RAPGEF6: variants seen among roughly 807,000 people sequenced by gnomAD.
RAPGEF6 encodes PDZ domain containing guanine nucleotide exchange factor (GEF) 2.
RAPGEF6 carries 56 observed loss-of-function variants against 171.4 expected under a neutral mutation model. That is an observed-to-expected ratio of 0.33 (90% CI 0.26 to 0.41). The LOEUF is 0.41. RAPGEF6 is among the 10% of genes least tolerant of loss of function. The pLI is 1.00. For missense variants in RAPGEF6, 1,674 were observed against 1,921.4 expected (o/e 0.87, Z 2.41); for synonymous variants, 692 against 650.1 (o/e 1.06, Z -0.98).
chr5:131,429,281 C>A (rs531074354), intron 26 of RAPGEF6, 65 bp from the exon 27 acceptor site: 16 of 1,315,174 alleles, frequency 1.2e-5, no homozygotes, highest in African/African-American at 8.9e-5. Context: ...AGAAACCACC[C>A]CACAAACTTA....
rs750364508 is a variant in RAPGEF6 at position 131,461,980 on chromosome 5, C to T, written c.2589G>A (p.Glu863=). 4.5e-5 allele frequency: 72 copies of T among 1,614,016 alleles called. No homozygotes were observed. Among genetic ancestry groups the T allele is most frequent in the Non-Finnish European group, 3.4e-6 (4 of 1,180,006 alleles). ...CCCTCATTGACAGCTGGGTGGCCAC[C>T]TCAATGGTACTGAGCTGCAGCATGG... The part of the protein sequence containing the change: ...QLSMLQLSTI[E]VATQLSMRDF... The change falls in exon 19 of 28, where the codon GAG becomes GAA. Residue 863 remains glutamate, a synonymous_variant. Coordinates refer to ENST00000509018, the MANE Select transcript of RAPGEF6 (RefSeq NM_016340.6).
chr5:131,518,494 T>G (rs1231461707), intron 7 of RAPGEF6, among the ~76,000 whole-genome samples: 1 of 151,470 alleles, frequency 6.6e-6, no homozygotes, highest in Non-Finnish European at 1.5e-5. Context: ...GCCTCCTGGG[T>G]TCAAGTGATT....
chr5:131,479,372 C>G (rs915741115), intron 16 of RAPGEF6, 141 bp downstream of exon 16: 3 of 800,302 alleles, frequency 3.7e-6, no homozygotes, highest in Non-Finnish European at 5.8e-6. Flanking sequence ...CAAATGTATT[C>G]TTATTTGAGT....
chr5:131,553,626 T>A (rs965012961), intron 5 of RAPGEF6, among the ~76,000 whole-genome samples: 1 of 151,908 alleles, frequency 6.6e-6, no homozygotes, highest in South Asian at 2.1e-4. Context: ...AAAATGAAAA[T>A]GTTAGAAACA....
At chr5:131,469,120 T>C (rs1033628413) in intron 17 of RAPGEF6, among the ~76,000 whole-genome samples, 10 of 152,186 alleles carry the variant, frequency 6.6e-5, no homozygotes, top group Non-Finnish European at 1.5e-4. Flanking sequence ...ACAACACACC[T>C]TGAAACAGAA....
chr5:131,538,563 C>G (rs550186416), intron 6 of RAPGEF6, among the ~76,000 whole-genome samples: 2 of 152,228 alleles, frequency 1.3e-5, no homozygotes, highest in East Asian at 1.9e-4. Flanking sequence ...ATAGATTACA[C>G]AAAAATACTA....
intron 1 of RAPGEF6, 64 bp from the exon 2 acceptor site, chr5:131,604,757 C>A: frequency 1.3e-6 from 2 of 1,500,666 alleles, no homozygotes; most frequent in Non-Finnish European, 1.8e-6. Context: ...ATAAGGCACC[C>A]CACAATTCTG....
chr5:131,445,089 T>C (rs1752600847), intron 22 of RAPGEF6, among the ~76,000 whole-genome samples: 1 of 152,330 alleles, frequency 6.6e-6, no homozygotes, highest in East Asian at 1.9e-4. Context: ...AAGTTTTACA[T>C]TTGAGAAAAC....
chr5:131,539,774 A>C (rs1282350361), intron 6 of RAPGEF6, among the ~76,000 whole-genome samples: 1 of 152,346 alleles, frequency 6.6e-6, no homozygotes, highest in Admixed American at 6.5e-5. Flanking sequence ...CTCTGGATCT[A>C]AACAAAACAT....
chr5:131,623,690 G>A (rs1170133456), intron 1 of RAPGEF6, among the ~76,000 whole-genome samples: 3 of 151,878 alleles, frequency 2.0e-5, no homozygotes, highest in Non-Finnish European at 4.4e-5. Flanking sequence ...TCTCCATGTC[G>A]GTCAGGCTGG....
chr5:131,558,037 G>GT (rs796405120), intron 5 of RAPGEF6, among the ~76,000 whole-genome samples: 1 of 152,040 alleles, frequency 6.6e-6, no homozygotes, highest in African/African-American at 2.4e-5. Flanking sequence ...AGAAGTTAAA[G>GT]TTTTTCTATT....
intron 9 of RAPGEF6, 140 bp downstream of exon 9, chr5:131,507,931 A>T (rs778948328): frequency 1.5e-5 from 12 of 801,266 alleles, no homozygotes; most frequent in Admixed American, 3.3e-5. Context: ...ATTGTAACTA[A>T]CTCAAACTTG....
chr5:131,430,481 T>C (rs1334189040), intron 26 of RAPGEF6, among the ~76,000 whole-genome samples: 4 of 152,222 alleles, frequency 2.6e-5, no homozygotes, highest in East Asian at 3.8e-4. Flanking sequence ...TCAATGTTTC[T>C]ACCACGTATG....
chr5:131,519,181 G>A (rs1758304937), intron 7 of RAPGEF6, among the ~76,000 whole-genome samples: 1 of 152,188 alleles, frequency 6.6e-6, no homozygotes, highest in Non-Finnish European at 1.5e-5. Context: ...AGGTTGTCCA[G>A]CTAAAAGGGG....
At chr5:131,431,824 T>C (rs1362433961) in intron 25 of RAPGEF6, among the ~76,000 whole-genome samples, 1 of 152,202 alleles carries the variant, frequency 6.6e-6, no homozygotes, top group African/African-American at 2.4e-5. Flanking sequence ...AATGTAAAGA[T>C]GAGAGTTGAA....
At chr5:131,438,140 C>A (rs1752137926) in intron 24 of RAPGEF6, among the ~76,000 whole-genome samples, 1 of 137,652 alleles carries the variant, frequency 7.3e-6, no homozygotes, top group South Asian at 2.4e-4. Context: ...AGGCATGTGC[C>A]ACTACCCCTG....
Position 131,431,338 on chromosome 5 carries a change from A to C in RAPGEF6, c.3986T>G (p.Leu1329Trp), listed in dbSNP as rs771308601. 6.3e-7 allele frequency: 1 copy of C among 1,591,214 alleles called. No homozygotes were observed. The highest frequency in any genetic ancestry group is 8.6e-7 in the Non-Finnish European group (1 of 1,163,834). Reference sequence around the variant, plus strand: ...TAAACACTTGATTAGAGATGGCTTCAAGAGTGTCCACCTAAAATTGGAGAT... The same window carrying C: ...TAAACACTTGATTAGAGATGGCTTCCAGAGTGTCCACCTAAAATTGGAGAT... ...HSQHGPGWTL[L>W]KPSLIKCLAV... Residue 1329 changes from leucine (L) to tryptophan (W), a missense_variant, in exon 26 of 28, where the codon TTG becomes TGG. Leu to Trp is a moderately conservative substitution (Grantham distance 61). This residue lies in a region of RAPGEF6 where 552 missense variants were observed against 574.2 expected (regional missense o/e 0.96). Transcript: ENST00000509018.
At chr5:131,428,151 A>G (rs1300681352) in intron 27 of RAPGEF6, among the ~76,000 whole-genome samples, 4 of 152,110 alleles carry the variant, frequency 2.6e-5, no homozygotes, top group African/African-American at 9.7e-5. Context: ...GCTCACACCT[A>G]TAATCCCAAC....
At chr5:131,634,902 C>A in intron 1 of RAPGEF6, 60 bp downstream of exon 1, 1 of 1,581,128 alleles carries the variant, frequency 6.3e-7, no homozygotes, top group South Asian at 1.1e-5. Flanking sequence ...GGATTTCGGA[C>A]AGACAGGAGG....
Sources: allele counts gnomAD v4.1 joint callset (sites outside exome capture counted in the v4.1 genomes callset), GRCh38; gene constraint gnomAD v4.1.1; regional missense constraint gnomAD v4.1.1; transcripts MANE v1.5; gene names NCBI Gene and HGNC (gene_info 2026-07-23, HGNC 2026-07-21).